The following CD2AP variants were observed in gnomAD, a reference collection of about 807,000 sequenced individuals.
The protein encoded by CD2AP is CD2-associated protein.
In CD2AP, 46 loss-of-function variants were observed where a neutral mutation model predicts 85.1. The observed-to-expected ratio is 0.54, with a 90% CI of 0.43 to 0.69. CD2AP has a LOEUF of 0.69. CD2AP is among the 30% of genes least tolerant of loss of function. The pLI is 0.00. For missense variants in CD2AP, 769 were observed against 729.5 expected, an observed-to-expected ratio of 1.05 and a Z score of -0.62; for synonymous variants, 255 against 252.9, an observed-to-expected ratio of 1.01 and a Z score of -0.08.
chr6:47,480,862 C>T (rs146803825), intron 1 of CD2AP, among the ~76,000 whole-genome samples: 44 of 152,268 alleles, frequency 2.9e-4, no homozygotes, highest in Middle Eastern at 3.4e-3. Flanking sequence ...CTTACAGAAA[C>T]CACATAGATA....
chr6:47,552,393 G>A (rs909589756), intron 4 of CD2AP, among the ~76,000 whole-genome samples: 2 of 151,874 alleles, frequency 1.3e-5, no homozygotes, highest in African/African-American at 2.4e-5. Flanking sequence ...GAGAACATAC[G>A]ATGATTGGTT....
chr6:47,591,755 G>T (rs1156424930), intron 11 of CD2AP, among the ~76,000 whole-genome samples: 2 of 152,030 alleles, frequency 1.3e-5, no homozygotes, highest in East Asian at 1.9e-4. Context: ...TGGTTATTTT[G>T]TTGTATTTTG....
At position 47,610,977 on chromosome 6, in the gene CD2AP, T is replaced by A. The variant is rs1370520812; in HGVS notation, c.1815-1496T>A. On this transcript the variant is annotated intron_variant, in intron 16 of 17. Transcript: ENST00000359314. The stretch of plus-strand genomic sequence containing the variant: ...TATATATATATATATATGTATTTTT[T>A]TTTTTTTTTGAATATAAAACATTTT... Among the ~76,000 whole-genome samples the A allele has an allele frequency of 1.6e-3, 147 of 93,576 alleles. 2 individuals are homozygous for A. Among genetic ancestry groups the A allele is most frequent in the African/African-American group, 2.3e-3 (53 of 22,736 alleles). 61.4% of individuals were successfully genotyped at this position (93,576 alleles called of 152,430 possible). A position where few individuals can be genotyped will look rare whatever the true frequency, so the allele number is the denominator to read the frequency against.
intron 5 of CD2AP, among the ~76,000 whole-genome samples, chr6:47,568,165 T>C (rs1015740275): frequency 8.5e-5 from 13 of 152,176 alleles, no homozygotes; most frequent in African/African-American, 3.1e-4. Flanking sequence ...TTTGCAGAGA[T>C]AGGATATTGG....
At chr6:47,513,411 A>G (rs1042710328) in intron 2 of CD2AP, among the ~76,000 whole-genome samples, 9 of 152,194 alleles carry the variant, frequency 5.9e-5, no homozygotes, top group African/African-American at 2.2e-4. Flanking sequence ...GTTTTCGTTT[A>G]TAGTGTTGAG....
chr6:47,509,828 A>AT (rs925053478), intron 2 of CD2AP, among the ~76,000 whole-genome samples: 22 of 151,580 alleles, frequency 1.5e-4, no homozygotes, highest in Middle Eastern at 3.4e-3. Context: ...GCTCTAATAC[A>AT]TTTTTTTTTG....
intron 17 of CD2AP, among the ~76,000 whole-genome samples, chr6:47,617,631 G>A (rs1769626553): frequency 6.6e-6 from 1 of 152,042 alleles, no homozygotes; most frequent in Non-Finnish European, 1.5e-5. Context: ...AGTCCTATTA[G>A]CTTTACCTCC....
intron 5 of CD2AP, among the ~76,000 whole-genome samples, chr6:47,567,531 AT>A (rs1194121737): frequency 3.9e-5 from 6 of 152,126 alleles, no homozygotes; most frequent in African/African-American, 1.4e-4. Context: ...TAAAAAAGTG[AT>A]TGTAATTTAG....
intron 5 of CD2AP, among the ~76,000 whole-genome samples, chr6:47,556,629 G>A (rs756010304): frequency 3.3e-5 from 5 of 152,102 alleles, no homozygotes; most frequent in African/African-American, 4.8e-5. Context: ...GATTACAGGC[G>A]GGAGCCACTG....
chr6:47,585,910 A>G (rs1355366409), intron 11 of CD2AP, among the ~76,000 whole-genome samples: 2 of 152,204 alleles, frequency 1.3e-5, no homozygotes, highest in Admixed American at 6.5e-5. Context: ...CTCTGCCTCT[A>G]TCTTGGAAAT....
chr6:47,541,245 T>G (rs902546903), intron 3 of CD2AP, among the ~76,000 whole-genome samples: 2 of 152,306 alleles, frequency 1.3e-5, no homozygotes, highest in South Asian at 2.1e-4. Context: ...TGCCTCAGCC[T>G]CCTGAGTAGC....
intron 4 of CD2AP, among the ~76,000 whole-genome samples, chr6:47,552,696 T>C (rs1767560991): frequency 6.6e-6 from 1 of 152,208 alleles, no homozygotes; most frequent in African/African-American, 2.4e-5. Flanking sequence ...GTTCCAGGTA[T>C]AGGTAATAGA....
intron 12 of CD2AP, 46 bp downstream of exon 12, chr6:47,596,072 T>G (rs897094335): frequency 3.7e-6 from 5 of 1,348,728 alleles, no homozygotes; most frequent in Non-Finnish European, 5.3e-6. Context: ...TTACTCACCT[T>G]TGACCTTAAT....
At chr6:47,514,558 C>G (rs1469228252) in intron 2 of CD2AP, among the ~76,000 whole-genome samples, 1 of 152,148 alleles carries the variant, frequency 6.6e-6, no homozygotes, top group Non-Finnish European at 1.5e-5. Flanking sequence ...TAAACACATT[C>G]CAGTAAACAA....
chr6:47,533,813 CT>C, intron 3 of CD2AP, 58 bp downstream of exon 3: 1 of 1,563,306 alleles, frequency 6.4e-7, no homozygotes, highest in South Asian at 1.1e-5. Flanking sequence ...TATTTTATAA[CT>C]GTGTCTAAAT....
chr6:47,521,362 G>T (rs1766588719), intron 2 of CD2AP, among the ~76,000 whole-genome samples: 1 of 151,848 alleles, frequency 6.6e-6, no homozygotes, highest in Non-Finnish European at 1.5e-5. Flanking sequence ...GACCAGCTTT[G>T]CCAACATGGT....
At chr6:47,538,899 A>T (rs1351628470) in intron 3 of CD2AP, among the ~76,000 whole-genome samples, 2 of 152,260 alleles carry the variant, frequency 1.3e-5, no homozygotes, top group African/African-American at 4.8e-5. Flanking sequence ...GAACAAGGGC[A>T]GTAACCTTAC....
intron 11 of CD2AP, among the ~76,000 whole-genome samples, chr6:47,595,030 C>T (rs1485781): frequency 0.6 from 91,691 of 151,636 alleles, 28,516 homozygotes; most frequent in Middle Eastern, 0.74. Flanking sequence ...TTTGTATATA[C>T]GTCTTAAGAC....
At chr6:47,534,093 A>G (rs1766964161) in intron 3 of CD2AP, among the ~76,000 whole-genome samples, 1 of 152,232 alleles carries the variant, frequency 6.6e-6, no homozygotes, top group African/African-American at 2.4e-5. Context: ...TAGCATAGAT[A>G]CAAGAATTTT....
Sources: allele counts gnomAD v4.1 joint callset (sites outside exome capture counted in the v4.1 genomes callset), GRCh38; gene constraint gnomAD v4.1.1; transcripts MANE v1.5; gene names NCBI Gene and HGNC (gene_info 2026-07-23, HGNC 2026-07-21).